The following STAG1 variants were observed in gnomAD, a reference collection of about 807,000 sequenced individuals.
STAG1 encodes STAG1 cohesin complex component.
STAG1 carries 26 observed loss-of-function variants against 170.9 expected under a neutral mutation model. That is an observed-to-expected ratio of 0.15 (90% CI 0.11 to 0.21). The LOEUF (loss-of-function observed/expected upper bound fraction) is 0.21. Among genes scored for constraint, STAG1 ranks in the 10% least tolerant of loss-of-function variants. The pLI, the probability that STAG1 is intolerant of heterozygous loss-of-function variation, is 1.00. For missense variants in STAG1, 964 were observed against 1,509.5 expected (o/e 0.64, Z 5.99); for synonymous variants, 514 against 497.7 (o/e 1.03, Z -0.44).
intron 33 of STAG1, 45 bp from the exon 34 acceptor site, chr3:136,338,322 C>T (rs1935787140): frequency 6.3e-7 from 1 of 1,584,896 alleles, no homozygotes; most frequent in South Asian, 1.1e-5. Flanking sequence ...CATGCATAAA[C>T]AGGACCCAGG....
intron 3 of STAG1, among the ~76,000 whole-genome samples, chr3:136,614,833 G>T (rs1376654932): frequency 2.0e-5 from 3 of 151,400 alleles, no homozygotes; most frequent in African/African-American, 7.3e-5. Flanking sequence ...GCCTTATCTG[G>T]CATAATGAGC....
intron 15 of STAG1, among the ~76,000 whole-genome samples, chr3:136,439,050 G>C (rs1012935766): frequency 1.3e-5 from 2 of 151,730 alleles, no homozygotes; most frequent in Admixed American, 6.6e-5. Flanking sequence ...ACAAAAATTA[G>C]CCAGGTGTGG....
chr3:136,443,872 C>T (rs1338465244), intron 14 of STAG1, among the ~76,000 whole-genome samples: 2 of 152,146 alleles, frequency 1.3e-5, no homozygotes, highest in African/African-American at 4.8e-5. Flanking sequence ...ATACAAGTTA[C>T]TCCATCTCTC....
intron 6 of STAG1, among the ~76,000 whole-genome samples, chr3:136,530,090 C>G (rs908659825): frequency 2.0e-5 from 3 of 152,086 alleles, no homozygotes; most frequent in African/African-American, 7.2e-5. Context: ...AACAGCTATA[C>G]TTATGATGAG....
intron 21 of STAG1, among the ~76,000 whole-genome samples, chr3:136,402,764 T>C (rs967966200): frequency 6.6e-6 from 1 of 151,410 alleles, no homozygotes; most frequent in Non-Finnish European, 1.5e-5. Flanking sequence ...GAGGAGAAGG[T>C]TGCAGTGAGT....
chr3:136,619,404 G>A (rs1238621004), intron 3 of STAG1, among the ~76,000 whole-genome samples: 3 of 151,152 alleles, frequency 2.0e-5, no homozygotes, highest in East Asian at 3.9e-4. Flanking sequence ...TGTATGTTAC[G>A]TTAGCGCAAG....
intron 13 of STAG1, among the ~76,000 whole-genome samples, chr3:136,458,715 G>C (rs1439123127): frequency 6.6e-6 from 1 of 151,802 alleles, no homozygotes; most frequent in Non-Finnish European, 1.5e-5. Context: ...TTATCAAATT[G>C]AAAGACATAT....
At chr3:136,363,497 T>C (rs975277274) in intron 25 of STAG1, 30 bp from the exon 26 acceptor site, 1 of 983,424 alleles carries the variant, frequency 1.0e-6, no homozygotes, top group Non-Finnish European at 1.5e-6. Flanking sequence ...AACATGGCTT[T>C]AAAATTACTG....
chr3:136,576,677 G>A (rs1937470840), intron 4 of STAG1, among the ~76,000 whole-genome samples: 1 of 152,144 alleles, frequency 6.6e-6, no homozygotes, highest in Non-Finnish European at 1.5e-5. Flanking sequence ...TCAATATGGT[G>A]GTTAAAGATG....
intron 7 of STAG1, among the ~76,000 whole-genome samples, chr3:136,509,861 C>G (rs540422819): frequency 6.6e-6 from 1 of 152,190 alleles, no homozygotes; most frequent in East Asian, 1.9e-4. Context: ...CCTATTATAC[C>G]TTTGAAAACT....
At chr3:136,542,719 T>A (rs1935967667) in intron 5 of STAG1, among the ~76,000 whole-genome samples, 1 of 150,542 alleles carries the variant, frequency 6.6e-6, no homozygotes, top group Non-Finnish European at 1.5e-5. Context: ...AAAGATCAGA[T>A]GAAATAAATA....
Position 136,717,625 on chromosome 3 carries a change from T to C in STAG1, c.-84+34570A>G, listed in dbSNP as rs186211355. ...GGTGCAGTGAGCGGAGATCGTGCCA[T>C]TGCACTCCAGCCTGGGCAACAAGAG... On this transcript the variant is annotated intron_variant, in intron 1 of 33. Transcript: ENST00000383202. Among the ~76,000 whole-genome samples the C allele has an allele frequency of 1.9e-3, 294 of 152,194 alleles. 1 individual carries two copies. The highest frequency in any genetic ancestry group is 6.1e-3 in the African/African-American group (252 of 41,526).
At chr3:136,434,528 T>C (rs185367215) in intron 15 of STAG1, among the ~76,000 whole-genome samples, 9 of 152,350 alleles carry the variant, frequency 5.9e-5, no homozygotes. Flanking sequence ...ACCTTTCTTA[T>C]CAATCTGAGA....
At chr3:136,429,222 C>T (rs540985283) in intron 16 of STAG1, among the ~76,000 whole-genome samples, 8 of 152,152 alleles carry the variant, frequency 5.3e-5, no homozygotes, top group East Asian at 3.9e-4. Context: ...GCCTGGCCAA[C>T]GTGGCGAAAC....
Position 136,338,249 on chromosome 3 carries a change from A to C in STAG1, c.*5T>G. The C allele has an allele frequency of 6.2e-7, 1 of 1,600,210 alleles. No individual in the cohort carries two copies. The highest frequency in any genetic ancestry group is 8.6e-7 in the Non-Finnish European group (1 of 1,169,258). ...AGTTCCAGATTTGTAAATTTTCTTC[A>C]GACTTCAGAACATAGGCATTCCAAA... On this transcript the variant is annotated 3_prime_UTR_variant, in exon 34 of 34. Coordinates refer to ENST00000383202, the MANE Select transcript of STAG1 (RefSeq NM_005862.3).
At chr3:136,432,517 G>T (rs866386173) in intron 16 of STAG1, among the ~76,000 whole-genome samples, 92 of 124,196 alleles carry the variant, frequency 7.4e-4, no homozygotes, top group African/African-American at 3.1e-3. Context: ...TTTTTTTTGG[G>T]GGGGGGGGGG....
chr3:136,718,310 G>A (rs1932984423), intron 1 of STAG1, among the ~76,000 whole-genome samples: 1 of 152,026 alleles, frequency 6.6e-6, no homozygotes, highest in Non-Finnish European at 1.5e-5. Context: ...AATTATGTGA[G>A]GAGGCAATAA....
intron 7 of STAG1, among the ~76,000 whole-genome samples, chr3:136,508,887 C>CGCGA (rs758241494): frequency 4.0e-5 from 6 of 149,472 alleles, no homozygotes; most frequent in African/African-American, 1.5e-4. Context: ...CGCGCGTGCG[C>CGCGA]GAGAGAGAGA....
In STAG1 at chr3:136,653,285, G is replaced by A. The variant is rs770791948; in HGVS notation, c.-83-22304C>T. 2.0e-3 allele frequency among the ~76,000 whole-genome samples: 308 copies of A among 150,302 alleles called. 1 individual carries two copies. Among genetic ancestry groups the A allele is most frequent in the Non-Finnish European group, 3.7e-3 (248 of 67,374 alleles). ...AAAACTCCATCTCAAAAAAAAAAAAGAAAAGCAAAGAAAAAAGAACTAGCA... is the reference window on the plus strand; with the variant it reads ...AAAACTCCATCTCAAAAAAAAAAAAAAAAAGCAAAGAAAAAAGAACTAGCA... On this transcript the variant is annotated intron_variant, in intron 1 of 33. Coordinates refer to ENST00000383202, the MANE Select transcript of STAG1 (RefSeq NM_005862.3).
Sources: allele counts gnomAD v4.1 joint callset (sites outside exome capture counted in the v4.1 genomes callset), GRCh38; gene constraint gnomAD v4.1.1; transcripts MANE v1.5; gene names NCBI Gene and HGNC (gene_info 2026-07-23, HGNC 2026-07-21).